The following PRLR variants were observed in gnomAD, a reference collection of about 807,000 sequenced individuals.
PRLR encodes the protein prolactin receptor, also known as hPRL receptor.
Under a neutral mutation model 40.2 loss-of-function variants are expected in PRLR, and 13 were observed. That is an observed-to-expected ratio of 0.32 (90% CI 0.21 to 0.51). The LOEUF (loss-of-function observed/expected upper bound fraction) is 0.51, where lower values mean the gene tolerates loss of function less well. Ranked by LOEUF, PRLR falls within the 20% of genes least tolerant of loss-of-function variation. PRLR has a pLI of 0.97. For missense variants in PRLR, 656 were observed against 747.3 expected, an observed-to-expected ratio of 0.88 and a Z score of 1.42; for synonymous variants, 269 against 278.7, an observed-to-expected ratio of 0.97 and a Z score of 0.35.
intron 1 of PRLR, among the ~76,000 whole-genome samples, chr5:35,227,013 T>C (rs1012951311): frequency 2.2e-4 from 34 of 152,310 alleles, no homozygotes; most frequent in Admixed American, 3.3e-4. Context: ...AGAATGAACA[T>C]TCCAGAGCTC....
chr5:35,218,681 T>G (rs1776345720), intron 1 of PRLR, among the ~76,000 whole-genome samples: 1 of 152,230 alleles, frequency 6.6e-6, no homozygotes, highest in African/African-American at 2.4e-5. Flanking sequence ...ATATTGTGTT[T>G]CCTAGGCTTA....
chr5:35,188,622 C>T (rs1448938527), intron 1 of PRLR, among the ~76,000 whole-genome samples: 1 of 152,350 alleles, frequency 6.6e-6, no homozygotes, highest in Admixed American at 6.5e-5. Context: ...ACAGTATCTA[C>T]TCCTTGCACC....
intron 1 of PRLR, among the ~76,000 whole-genome samples, chr5:35,187,910 T>C (rs1025486634): frequency 3.3e-5 from 5 of 152,080 alleles, no homozygotes; most frequent in African/African-American, 1.2e-4. Flanking sequence ...GCTTCTGAGG[T>C]GAGTCGGTCA....
intron 1 of PRLR, among the ~76,000 whole-genome samples, chr5:35,119,518 C>G (rs1228611729): frequency 1.3e-5 from 2 of 152,104 alleles, no homozygotes; most frequent in Admixed American, 6.5e-5. Context: ...CATAAGACAG[C>G]CAGCCCCAAG....
At chr5:35,158,201 T>C (rs1299451036) in intron 1 of PRLR, among the ~76,000 whole-genome samples, 1 of 152,246 alleles carries the variant, frequency 6.6e-6, no homozygotes, top group African/African-American at 2.4e-5. Context: ...TGGGCAGGCA[T>C]CACAGTCTAC....
intron 1 of PRLR, among the ~76,000 whole-genome samples, chr5:35,205,542 T>C (rs1775994228): frequency 3.7e-5 from 1 of 26,900 alleles, no homozygotes; most frequent in Non-Finnish European, 9.7e-5. Context: ...TCTATATCTG[T>C]ATGAAAATTC....
chr5:35,096,462 T>G (rs1251231420), intron 2 of PRLR, among the ~76,000 whole-genome samples: 1 of 152,164 alleles, frequency 6.6e-6, no homozygotes, highest in Non-Finnish European at 1.5e-5. Context: ...GAGGAACTAG[T>G]CCCTCATGAG....
At chr5:35,114,846 G>C (rs933766096) in intron 2 of PRLR, among the ~76,000 whole-genome samples, 3 of 152,184 alleles carry the variant, frequency 2.0e-5, no homozygotes, top group Admixed American at 2.0e-4. Context: ...AAAGAGTTTG[G>C]GTGCGGCAGA....
intron 5 of PRLR, among the ~76,000 whole-genome samples, chr5:35,075,566 C>T (rs956795741): frequency 1.3e-5 from 2 of 152,208 alleles, no homozygotes; most frequent in East Asian, 3.9e-4. Flanking sequence ...GAGCCCACCC[C>T]AGCTCAAGGA....
At chr5:35,187,864 C>T (rs1775488991) in intron 1 of PRLR, among the ~76,000 whole-genome samples, 1 of 152,124 alleles carries the variant, frequency 6.6e-6, no homozygotes, top group African/African-American at 2.4e-5. Context: ...AGGGAGAGAG[C>T]CCCATTGCCT....
chr5:35,088,762 A>G (rs1771016050), intron 3 of PRLR, among the ~76,000 whole-genome samples: 1 of 152,162 alleles, frequency 6.6e-6, no homozygotes, highest in Non-Finnish European at 1.5e-5. Flanking sequence ...AAAAGTACAC[A>G]CACCACACAC....
intron 1 of PRLR, among the ~76,000 whole-genome samples, chr5:35,168,906 C>T (rs547425616): frequency 6.6e-6 from 1 of 152,216 alleles, no homozygotes; most frequent in African/African-American, 2.4e-5. Context: ...ACAAGATCAT[C>T]CTGTTCATTT....
intron 1 of PRLR, among the ~76,000 whole-genome samples, chr5:35,153,679 T>C (rs1774401703): frequency 6.7e-6 from 1 of 149,906 alleles, no homozygotes; most frequent in Non-Finnish European, 1.5e-5. Flanking sequence ...CGTTTCCCAT[T>C]TCTTGCTCAT....
rs969543317 is a variant in PRLR, at chr5:35,059,166, T to C, written c.*5923A>G. On this transcript the variant is annotated 3_prime_UTR_variant, in exon 10 of 10. Transcript: ENST00000618457. Reference sequence around the variant, plus strand: ...TATTAAAGGTTATTTTTTATATTACTACTTCAGTTGCTGAAGGTTTTAGGG... The same window carrying C: ...TATTAAAGGTTATTTTTTATATTACCACTTCAGTTGCTGAAGGTTTTAGGG... 2 of 152,204 alleles carry C rather than the reference T, an allele frequency of 1.3e-5. No individual in the cohort carries two copies. Among genetic ancestry groups the C allele is most frequent in the Non-Finnish European group, 2.9e-5 (2 of 68,030 alleles). The allele number at this position is 152,204 out of a possible 1,614,324, so 9.4% of individuals were successfully genotyped here. A position where few individuals can be genotyped will look rare whatever the true frequency, so the allele number is the denominator to read the frequency against.
chr5:35,134,606 T>C (rs936114749), intron 1 of PRLR, among the ~76,000 whole-genome samples: 1 of 152,248 alleles, frequency 6.6e-6, no homozygotes, highest in African/African-American at 2.4e-5. Context: ...ACCCGGCTGG[T>C]TGCCTTCTGG....
At chr5:35,178,953 TC>T (rs1391014559) in intron 1 of PRLR, among the ~76,000 whole-genome samples, 3 of 152,182 alleles carry the variant, frequency 2.0e-5, no homozygotes, top group Non-Finnish European at 4.4e-5. Flanking sequence ...GGACATCTCC[TC>T]ATGATGTCAT....
At chr5:35,173,549 T>C (rs986627853) in intron 1 of PRLR, among the ~76,000 whole-genome samples, 1 of 152,128 alleles carries the variant, frequency 6.6e-6, no homozygotes, top group African/African-American at 2.4e-5. Flanking sequence ...GCACTTTATT[T>C]AAGGAAAAAA....
chr5:35,160,823 C>T (rs534507050), intron 1 of PRLR, among the ~76,000 whole-genome samples: 10 of 152,202 alleles, frequency 6.6e-5, no homozygotes, highest in African/African-American at 2.4e-4. Context: ...CCGCTTCAAC[C>T]AATCAGTGGA....
chr5:35,227,083 T>A (rs1776572537), intron 1 of PRLR, among the ~76,000 whole-genome samples: 2 of 152,258 alleles, frequency 1.3e-5, no homozygotes, highest in South Asian at 4.1e-4. Flanking sequence ...CACCTGCTAA[T>A]GTTGGATATT....
Sources: allele counts gnomAD v4.1 joint callset (sites outside exome capture counted in the v4.1 genomes callset), GRCh38; gene constraint gnomAD v4.1.1; transcripts MANE v1.5; gene names NCBI Gene and HGNC (gene_info 2026-07-23, HGNC 2026-07-21).